The following MYO1D variants were observed in gnomAD, a reference collection of about 807,000 sequenced individuals.
The protein encoded by MYO1D is myosin ID, also known as unconventional myosin-Id.
A neutral mutation model predicts 122.0 loss-of-function variants in MYO1D; 83 were observed. That is an observed-to-expected ratio of 0.68 (90% CI 0.57 to 0.82). The LOEUF (loss-of-function observed/expected upper bound fraction) is 0.82. MYO1D is among the 40% of genes least tolerant of loss of function. The pLI is 0.00. For synonymous variants in MYO1D, 464 were observed against 446.9 expected (o/e 1.04, Z -0.48); for missense variants, 1,157 against 1,269.5 (o/e 0.91, Z 1.35).
chr17:32,818,549 G>A (rs1043384004), intron 1 of MYO1D, among the ~76,000 whole-genome samples: 9 of 152,218 alleles, frequency 5.9e-5, no homozygotes, highest in African/African-American at 2.2e-4. Flanking sequence ...AAGAGCTGCT[G>A]AGAGAGAGAC....
chr17:32,867,746 G>C (rs1047168790), intron 1 of MYO1D, among the ~76,000 whole-genome samples: 4 of 136,284 alleles, frequency 2.9e-5, no homozygotes, highest in African/African-American at 1.1e-4. Flanking sequence ...GCAGTGAGCC[G>C]AGAGATCATG....
chr17:32,846,699 C>T (rs1804702782), intron 1 of MYO1D, among the ~76,000 whole-genome samples: 1 of 152,146 alleles, frequency 6.6e-6, no homozygotes, highest in African/African-American at 2.4e-5. Context: ...ACAGGTCAGG[C>T]ACAGGAGTGA....
chr17:32,689,696 CATT>C (rs903346875), intron 16 of MYO1D, among the ~76,000 whole-genome samples: 14 of 151,984 alleles, frequency 9.2e-5, no homozygotes, highest in African/African-American at 3.4e-4. Flanking sequence ...AAAATATCGT[CATT>C]ATTAATGGCT....
intron 20 of MYO1D, among the ~76,000 whole-genome samples, chr17:32,635,641 C>T (rs773894113): frequency 1.3e-5 from 2 of 151,722 alleles, no homozygotes; most frequent in African/African-American, 2.4e-5. Context: ...TGCAGTGAGC[C>T]GAGATGGCGC....
chr17:32,712,114 C>T lies in MYO1D; in HGVS notation c.1995G>A (p.Arg665=), dbSNP rs759415282. The change falls in exon 16 of 22, where the codon CGG becomes CGA. Residue 665 remains arginine (R), a synonymous_variant. Transcript: ENST00000318217. ...AAGCTACATCATCCTGAAAACCACA[C>T]CGTTCAATTAGTTTCTTGACAGCCT... ...DKEAVKKLIE[R]CGFQDDVAYG... 6.2e-6 allele frequency: 10 copies of T among 1,613,982 alleles called. 1 individual carries two copies. The South Asian group carries it at 1.1e-4, about 18-fold the overall frequency.
At chr17:32,658,978 A>G in intron 17 of MYO1D, 137 bp downstream of exon 17, 2 of 867,114 alleles carry the variant, frequency 2.3e-6, no homozygotes, top group Non-Finnish European at 1.7e-6. Flanking sequence ...CAAATCTACA[A>G]AACTGAAAAC....
Position 32,638,791 on chromosome 17 carries a change from A to G in MYO1D, c.2640T>C (p.Thr880=), listed in dbSNP as rs1479390110. ...SKVEDRAIFV[T]DRHLYKMDPT... ...GATCCATTTTATACAGGTGACGGTC[A>G]GTGACAAAAATTGCTCTGTCTTCCA... The change falls in exon 20 of 22, where the codon ACT becomes ACC. Residue 880 remains threonine (T), a synonymous_variant. Transcript: ENST00000318217. 3.7e-6 allele frequency: 6 copies of G among 1,613,832 alleles called. No homozygotes were observed. In the African/African-American group the frequency reaches 8.0e-5, roughly 22 times the overall value.
chr17:32,529,411 A>G (rs1193541696), intron 21 of MYO1D, among the ~76,000 whole-genome samples: 1 of 152,212 alleles, frequency 6.6e-6, no homozygotes, highest in Non-Finnish European at 1.5e-5. Context: ...TGGGGAGGGC[A>G]GGACCTGTTT....
At chr17:32,733,922 T>C (rs1009358338) in intron 14 of MYO1D, among the ~76,000 whole-genome samples, 6 of 152,220 alleles carry the variant, frequency 3.9e-5, no homozygotes, top group East Asian at 1.9e-4. Context: ...TATTCATATA[T>C]TTTTGAGGTC....
chr17:32,667,829 A>C (rs1160204683), intron 16 of MYO1D, among the ~76,000 whole-genome samples: 3 of 152,320 alleles, frequency 2.0e-5, no homozygotes, highest in Middle Eastern at 3.4e-3. Context: ...TCTTTAGTGC[A>C]CACAATTGCT....
rs187539755 is a variant in MYO1D, at chr17:32,701,618, G to A, written c.2121+10370C>T. Among the ~76,000 whole-genome samples the A allele has an allele frequency of 2.5e-3, 379 of 151,976 alleles. 3 individuals carry two copies. The highest frequency in any genetic ancestry group is 3.5e-3 in the South Asian group (17 of 4,822). ...CACTCTGTCACTTAAGCTGAAGTTCGGTGGCGCAATCATGTCTTACTATAG... is the reference window on the plus strand; with the variant it reads ...CACTCTGTCACTTAAGCTGAAGTTCAGTGGCGCAATCATGTCTTACTATAG... On this transcript the variant is annotated intron_variant, in intron 16 of 21. Transcript: ENST00000318217.
chr17:32,677,598 T>TAG, intron 16 of MYO1D, among the ~76,000 whole-genome samples: 1 of 19,898 alleles, frequency 5.0e-5, no homozygotes, highest in East Asian at 1.2e-3. Flanking sequence ...TATATATATA[T>TAG]ATATATATAT....
chr17:32,795,483 TAGA>T (rs2090405520), intron 1 of MYO1D, among the ~76,000 whole-genome samples: 1 of 152,042 alleles, frequency 6.6e-6, no homozygotes, highest in African/African-American at 2.4e-5. Flanking sequence ...CCTGGTATAA[TAGA>T]AACAAACACA....
At chr17:32,534,489 AAAG>A (rs1226270108) in intron 21 of MYO1D, among the ~76,000 whole-genome samples, 2 of 152,216 alleles carry the variant, frequency 1.3e-5, no homozygotes, top group Non-Finnish European at 2.9e-5. Flanking sequence ...ATATATTTTA[AAAG>A]AAGAACACCC....
chr17:32,791,402 C>T (rs2090349686), intron 1 of MYO1D, among the ~76,000 whole-genome samples: 1 of 143,844 alleles, frequency 7.0e-6, no homozygotes, highest in African/African-American at 2.6e-5. Flanking sequence ...ATTGTTGGGA[C>T]AACTGATAAA....
At chr17:32,698,306 C>T (rs1036372679) in intron 16 of MYO1D, among the ~76,000 whole-genome samples, 5 of 106,402 alleles carry the variant, frequency 4.7e-5, no homozygotes, top group Non-Finnish European at 7.6e-5. Flanking sequence ...CCCTCTCCCT[C>T]CCCCTTCCCT....
At chr17:32,826,854 C>A (rs895423897) in intron 1 of MYO1D, among the ~76,000 whole-genome samples, 1 of 151,984 alleles carries the variant, frequency 6.6e-6, no homozygotes, top group Admixed American at 6.5e-5. Flanking sequence ...AAAACATATA[C>A]ATATATATAT....
At chr17:32,853,739 A>G (rs1383576834) in intron 1 of MYO1D, among the ~76,000 whole-genome samples, 1 of 152,252 alleles carries the variant, frequency 6.6e-6, no homozygotes, top group Non-Finnish European at 1.5e-5. Context: ...CAAAAAGTAC[A>G]TGATGGATTA....
chr17:32,669,738 G>A (rs2150959747), intron 16 of MYO1D, among the ~76,000 whole-genome samples: 1 of 152,214 alleles, frequency 6.6e-6, no homozygotes, highest in East Asian at 1.9e-4. Context: ...ATAAGATAAA[G>A]AGTAATTATA....
Sources: gnomAD v4.1 joint callset for allele counts (sites outside exome capture counted in the v4.1 genomes callset) on GRCh38, gnomAD v4.1.1 for gene constraint, MANE v1.5 for transcripts, NCBI Gene and HGNC (gene_info 2026-07-23, HGNC 2026-07-21) for gene names.